PAX6: variants seen among roughly 807,000 people sequenced by gnomAD.
PAX6 encodes the protein paired box 6, also known as paired box protein Pax-6.
Under a neutral mutation model 60.7 loss-of-function variants are expected in PAX6, and 7 were observed. That is an observed-to-expected ratio of 0.12 (90% CI 0.07 to 0.22). The LOEUF (loss-of-function observed/expected upper bound fraction) is 0.22. PAX6 is among the 10% of genes least tolerant of loss of function. PAX6 has a pLI of 1.00. For missense variants in PAX6, 355 were observed against 555.2 expected, an observed-to-expected ratio of 0.64 and a Z score of 3.62; for synonymous variants, 208 against 201.2, an observed-to-expected ratio of 1.03 and a Z score of -0.29.
At chr11:31,801,223 G>A in intron 7 of PAX6, 2 of 1,323,146 alleles carry the variant, frequency 1.5e-6, no homozygotes, top group Non-Finnish European at 2.0e-6. Context: ...AAATGGATGT[G>A]TGACACCTGA....
intron 1 of PAX6, among the ~76,000 whole-genome samples, chr11:31,816,909 A>C (rs922492488): frequency 6.6e-5 from 10 of 152,242 alleles, no homozygotes; most frequent in African/African-American, 1.2e-4. Context: ...GGGCGTCTCC[A>C]GCTGCTTTTA....
Position 31,802,875 on chromosome 11 carries a change from A to G in PAX6, c.11-41T>C, listed in dbSNP as rs73477673. The stretch of plus-strand genomic sequence containing the variant: ...GGAGAGGAAAGGGGAAAAGAAGAGA[A>G]GAGAGCAGAGTGAAGAGGAAGAAGA... On this transcript the variant is annotated intron_variant, in intron 4 of 13. Coordinates refer to ENST00000640368, the MANE Select transcript of PAX6 (RefSeq NM_001368894.2). 7.1e-3 allele frequency: 11,368 copies of G among 1,594,648 alleles called. 655 individuals are homozygous for G. In the African/African-American group the frequency reaches 0.13, roughly 18 times the overall value.
At chr11:31,800,351 T>C (rs1025260912) in intron 8 of PAX6, among the ~76,000 whole-genome samples, 5 of 152,216 alleles carry the variant, frequency 3.3e-5, no homozygotes, top group African/African-American at 1.2e-4. Context: ...GTCACACTTC[T>C]ACAAGGGGGC....
upstream of PAX6, among the ~76,000 whole-genome samples, chr11:31,813,389 C>CGGG (rs71463328): frequency 4.3e-4 from 19 of 44,182 alleles, no homozygotes; most frequent in South Asian, 8.9e-4. Context: ...TGCGGGGGGG[C>CGGG]GGGGGGGGGG....
intron 5 of PAX6, 159 bp downstream of exon 5, chr11:31,802,545 A>C: frequency 3.1e-6 from 2 of 644,958 alleles, no homozygotes; most frequent in Non-Finnish European, 5.1e-6. Flanking sequence ...AGGAGAGGGG[A>C]AAGTGGGAAG....
chr11:31,815,119 G>C (rs1957317039), upstream of PAX6: 1 of 151,950 alleles, frequency 6.6e-6, no homozygotes, highest in South Asian at 2.1e-4. Context: ...ATTCCTAGCA[G>C]CCCAGCGGGT....
At chr11:31,804,324 G>A (rs1955060691) in intron 4 of PAX6, 1 of 152,224 alleles carries the variant, frequency 6.6e-6, no homozygotes, top group Admixed American at 6.5e-5. Flanking sequence ...ACGGGACCGT[G>A]ATAAAACGAC....
In PAX6 at chr11:31,789,629, T is replaced by G. The variant is rs1949111715; in HGVS notation, c.*305A>C. 4 of 691,392 alleles carry G rather than the reference T, an allele frequency of 5.8e-6. No homozygotes were observed. The East Asian group carries it at 1.1e-4, about 19-fold the overall frequency. The allele number at this position is 691,392 out of a possible 1,614,324, so 42.8% of individuals were successfully genotyped here. On this transcript the variant is annotated 3_prime_UTR_variant, in exon 14 of 14. Coordinates refer to ENST00000640368, the MANE Select transcript of PAX6 (RefSeq NM_001368894.2). Reference sequence around the variant, plus strand: ...CAACACAGATCAAACATCCATCCAGTCTACATTGTTCTTTTTTTCATTATA... The same window carrying G: ...CAACACAGATCAAACATCCATCCAGGCTACATTGTTCTTTTTTTCATTATA...
In PAX6 at chr11:31,810,876, G is replaced by T; in HGVS notation, c.-177C>A. The T allele has an allele frequency of 2.5e-6, 1 of 399,190 alleles. No individual in the cohort carries two copies. Among genetic ancestry groups the T allele is most frequent in the Non-Finnish European group, 4.4e-6 (1 of 226,120 alleles). 24.7% of individuals were successfully genotyped at this position (399,190 alleles called of 1,614,324 possible). A position where few individuals can be genotyped will look rare whatever the true frequency, so the allele number is the denominator to read the frequency against. On this transcript the variant is annotated 5_prime_UTR_variant, in exon 2 of 14. Transcript: ENST00000640368. ...TGTCACAGCTTCTGTCAAGAGTTTT[G>T]TTTGGTTGGGGTTTTTTGTGCTGCT...
chr11:31,802,853 G>C lies in PAX6; in HGVS notation c.11-19C>G, dbSNP rs1171390064. 2.5e-6 allele frequency: 4 copies of C among 1,612,682 alleles called. No homozygotes were observed. Among genetic ancestry groups the C allele is most frequent in the Non-Finnish European group, 3.4e-6 (4 of 1,179,174 alleles). The stretch of plus-strand genomic sequence containing the variant: ...CTGTGACCTGAGGAAAGGGAGAGGA[G>C]AGGAAAGGGGAAAAGAAGAGAAGAG... On this transcript the variant is annotated intron_variant, in intron 4 of 13. Transcript: ENST00000640368.
At position 31,802,603 on chromosome 11, in the gene PAX6, G is replaced by C. The variant is rs1954392309; in HGVS notation, c.141+101C>G. 3.0e-6 allele frequency: 4 copies of C among 1,330,708 alleles called. No homozygotes were observed. The South Asian group carries it at 5.6e-5, about 19-fold the overall frequency. The allele number at this position is 1,330,708 out of a possible 1,614,324, so 82.4% of individuals were successfully genotyped here. A position where few individuals can be genotyped will look rare whatever the true frequency, so the allele number is the denominator to read the frequency against. On this transcript the variant is annotated intron_variant, in intron 5 of 13. Transcript: ENST00000640368. ...TGGGGACTGGGGTGGGTGAGGGTGG[G>C]GGGGTCCATAATTAGCATCGTTTAC...
chr11:31,813,146 A>G (rs1957203543), upstream of PAX6: 1 of 151,902 alleles, frequency 6.6e-6, no homozygotes, highest in Admixed American at 6.6e-5. Context: ...CCGGGAGGAA[A>G]CCTGGGTCAG....
At chr11:31,815,236 G>A (rs900585428), upstream of PAX6, among the ~76,000 whole-genome samples, 9 of 152,216 alleles carry the variant, frequency 5.9e-5, no homozygotes, top group Non-Finnish European at 1.3e-4. Flanking sequence ...GGCACTCTCC[G>A]ATTTTTGCAA....
At chr11:31,806,604 A>AG in intron 3 of PAX6, 142 bp from the exon 4 acceptor site, 1 of 672,678 alleles carries the variant, frequency 1.5e-6, no homozygotes, top group Non-Finnish European at 2.7e-6. Flanking sequence ...GGGCGATCTG[A>AG]GGGTCACTCA....
chr11:31,801,142 T>C (rs1355461442), intron 7 of PAX6: 4 of 1,038,236 alleles, frequency 3.9e-6, no homozygotes, highest in Non-Finnish European at 5.3e-6. Flanking sequence ...GTTAAAAGAC[T>C]GCCCGAAAAT....
At position 31,789,683 on chromosome 11, in the gene PAX6, C is replaced by T. The variant is rs1949127008; in HGVS notation, c.*251G>A. The stretch of plus-strand genomic sequence containing the variant: ...TACAAATGCCCATTTACAAATAATA[C>T]ACCAAAATGAATAAAAGTTTGGATA... On this transcript the variant is annotated 3_prime_UTR_variant, in exon 14 of 14. Transcript: ENST00000640368. The T allele has an allele frequency of 1.4e-6, 1 of 701,910 alleles. No individual in the cohort carries two copies. Among genetic ancestry groups the T allele is most frequent in the African/African-American group, 1.8e-5 (1 of 56,978 alleles). The allele number at this position is 701,910 out of a possible 1,614,324, so 43.5% of individuals were successfully genotyped here.
intron 13 of PAX6, chr11:31,790,373 G>T: frequency 1.8e-6 from 2 of 1,088,404 alleles, no homozygotes; most frequent in Non-Finnish European, 2.4e-6. Flanking sequence ...GGAGCTATGA[G>T]GGCAAGAAGC....
chr11:31,796,319 G>GGATTCT (rs2134739334), intron 8 of PAX6, among the ~76,000 whole-genome samples: 1 of 152,282 alleles, frequency 6.6e-6, no homozygotes, highest in South Asian at 2.1e-4. Flanking sequence ...GACAACAAAA[G>GGATTCT]GATTCTCTTG....
At position 31,789,463 on chromosome 11, in the gene PAX6, A is replaced by T; in HGVS notation, c.*471T>A. 2.1e-6 allele frequency: 1 copy of T among 485,512 alleles called. No individual in the cohort carries two copies. Among genetic ancestry groups the T allele is most frequent in the African/African-American group, 2.0e-5 (1 of 50,252 alleles). The allele number at this position is 485,512 out of a possible 1,614,324, so 30.1% of individuals were successfully genotyped here. ...AGGTTTAATTATATGCAAAGGAATG[A>T]TACAAACTTGGAACATCAGTCCATA... On this transcript the variant is annotated 3_prime_UTR_variant, in exon 14 of 14. Coordinates refer to ENST00000640368, the MANE Select transcript of PAX6 (RefSeq NM_001368894.2).
Sources: allele counts gnomAD v4.1 joint callset (sites outside exome capture counted in the v4.1 genomes callset), GRCh38; gene constraint gnomAD v4.1.1; transcripts MANE v1.5; gene names NCBI Gene and HGNC (gene_info 2026-07-23, HGNC 2026-07-21).